RIMBP2: variants seen among roughly 807,000 people sequenced by gnomAD.
The protein encoded by RIMBP2 is RIMS-binding protein 2.
RIMBP2 carries 48 observed loss-of-function variants against 118.6 expected under a neutral mutation model. That is an observed-to-expected ratio of 0.40 (90% CI 0.32 to 0.51). The LOEUF is 0.51. Among genes scored for constraint, RIMBP2 ranks in the 20% least tolerant of loss-of-function variants. The pLI, the probability that RIMBP2 is intolerant of heterozygous loss-of-function variation, is 0.41. For missense variants in RIMBP2, 1,551 were observed against 1,768.3 expected (o/e 0.88, Z 2.20); for synonymous variants, 762 against 742.9 (o/e 1.03, Z -0.42).
chr12:130,519,042 T>G (rs1169265166), intron 2 of RIMBP2, among the ~76,000 whole-genome samples: 1 of 152,270 alleles, frequency 6.6e-6, no homozygotes, highest in Non-Finnish European at 1.5e-5. Context: ...CCACACCAGC[T>G]ACCAGCTGTC....
At chr12:130,643,454 A>C (rs2062712658) in intron 1 of RIMBP2, among the ~76,000 whole-genome samples, 3 of 152,182 alleles carry the variant, frequency 2.0e-5, no homozygotes, top group Admixed American at 2.0e-4. Context: ...TACAGAAATC[A>C]CTGGGCCATG....
intron 1 of RIMBP2, among the ~76,000 whole-genome samples, chr12:130,684,180 A>G (rs76958656): frequency 0.086 from 13,030 of 152,134 alleles, 1,824 homozygotes; most frequent in African/African-American, 0.3. Flanking sequence ...AGATGAACTC[A>G]TTCAACCAAC....
intron 1 of RIMBP2, among the ~76,000 whole-genome samples, chr12:130,679,656 G>A (rs1294005692): frequency 6.6e-6 from 1 of 152,096 alleles, no homozygotes; most frequent in Non-Finnish European, 1.5e-5. Context: ...TTTTCTCTAT[G>A]GATACTGGGC....
At chr12:130,705,347 A>G (rs540612872) in intron 1 of RIMBP2, among the ~76,000 whole-genome samples, 1 of 152,294 alleles carries the variant, frequency 6.6e-6, no homozygotes, top group African/African-American at 2.4e-5. Context: ...TCACCACGCA[A>G]CAAAGACCGG....
At position 130,491,620 on chromosome 12, in the gene RIMBP2, C is replaced by T. The variant is rs546772242; in HGVS notation, c.-3-12604G>A. ...CTTCCACAAGCAGCTAGGAGTCTCT[C>T]GGTTCCTGGGAGTGCAAGGGGCCCA... On this transcript the variant is annotated intron_variant, in intron 4 of 22. Coordinates refer to ENST00000690449, the MANE Select transcript of RIMBP2 (RefSeq NM_001393629.1). 3.9e-5 allele frequency among the ~76,000 whole-genome samples: 6 copies of T among 152,304 alleles called. No homozygotes were observed. The East Asian group carries it at 5.8e-4, about 15-fold the overall frequency.
chr12:130,440,375 C>T (rs1313080947), intron 11 of RIMBP2, among the ~76,000 whole-genome samples: 1 of 152,166 alleles, frequency 6.6e-6, no homozygotes. Flanking sequence ...CCCAACTACA[C>T]CTTCTTCCTC....
chr12:130,449,723 A>G (rs2078835818), intron 9 of RIMBP2, among the ~76,000 whole-genome samples: 1 of 152,074 alleles, frequency 6.6e-6, no homozygotes, highest in African/African-American at 2.4e-5. Context: ...GCAGATTCCA[A>G]TCCAGGGAAG....
chr12:130,436,417 A>G (rs2077520505), intron 13 of RIMBP2, among the ~76,000 whole-genome samples: 2 of 152,190 alleles, frequency 1.3e-5, no homozygotes, highest in Non-Finnish European at 2.9e-5. Context: ...ATAGACACAT[A>G]TGTGCATGTG....
chr12:130,560,427 C>T (rs925655415), intron 2 of RIMBP2, among the ~76,000 whole-genome samples: 2 of 152,066 alleles, frequency 1.3e-5, no homozygotes, highest in African/African-American at 4.8e-5. Context: ...TTTAGCCACA[C>T]CCCTGGCCTC....
chr12:130,641,231 T>G (rs539047569), intron 1 of RIMBP2, among the ~76,000 whole-genome samples: 26 of 152,222 alleles, frequency 1.7e-4, no homozygotes, highest in African/African-American at 6.3e-4. Context: ...GAAAGCTAAA[T>G]CGTGAGCCCT....
At chr12:130,513,509 C>T (rs552245822) in intron 3 of RIMBP2, among the ~76,000 whole-genome samples, 9 of 23,300 alleles carry the variant, frequency 3.9e-4, no homozygotes, top group Non-Finnish European at 6.2e-4. Context: ...TGGCCCAGTG[C>T]GGGGAGGAGG....
intron 2 of RIMBP2, among the ~76,000 whole-genome samples, chr12:130,557,702 T>C (rs754833013): frequency 2.0e-5 from 3 of 152,214 alleles, no homozygotes; most frequent in Admixed American, 6.5e-5. Flanking sequence ...GACAAATAGG[T>C]CACAGCTATA....
Position 130,431,588 on chromosome 12 carries a change from AT to A in RIMBP2, c.2253+3145del, listed in dbSNP as rs2077158274. On this transcript the variant is annotated intron_variant, in intron 14 of 22. Transcript: ENST00000690449. This position sits in a 1 kb window ranked among gnomAD's most constrained non-coding sequence, Gnocchi z 4.0. ...ATATTATTAACAATATATATTAACA[AT>A]TAATATATTGTTATATTATTATGTT... The A allele has an allele frequency of 6.2e-6, 1 of 162,498 alleles. No homozygotes were observed. The highest frequency in any genetic ancestry group is 1.3e-5 in the Non-Finnish European group (1 of 76,328). 10.1% of individuals were successfully genotyped at this position (162,498 alleles called of 1,614,324 possible). A position where few individuals can be genotyped will look rare whatever the true frequency, so the allele number is the denominator to read the frequency against.
intron 1 of RIMBP2, among the ~76,000 whole-genome samples, chr12:130,638,356 C>G (rs2062445004): frequency 6.6e-6 from 1 of 152,194 alleles, no homozygotes; most frequent in Admixed American, 6.5e-5. Context: ...TTGCACATCA[C>G]TAAGTGAAAG....
intron 3 of RIMBP2, among the ~76,000 whole-genome samples, chr12:130,510,270 G>A (rs969428365): frequency 6.6e-6 from 1 of 152,182 alleles, no homozygotes; most frequent in Non-Finnish European, 1.5e-5. Flanking sequence ...AATTTAATAC[G>A]GTAGAGTGGA....
chr12:130,695,961 A>C (rs1566463842), intron 1 of RIMBP2, among the ~76,000 whole-genome samples: 1 of 151,966 alleles, frequency 6.6e-6, no homozygotes, highest in Non-Finnish European at 1.5e-5. Context: ...AGACCCCTGG[A>C]GGAGGAGTAC....
At chr12:130,498,746 G>C (rs2049446173) in intron 4 of RIMBP2, among the ~76,000 whole-genome samples, 1 of 152,120 alleles carries the variant, frequency 6.6e-6, no homozygotes, top group African/African-American at 2.4e-5. Flanking sequence ...TCCCAGGAGA[G>C]GACAACATGC....
intron 5 of RIMBP2, 80 bp from the exon 6 acceptor site, chr12:130,470,823 G>A (rs1253087153): frequency 2.1e-5 from 15 of 723,426 alleles, no homozygotes; most frequent in Non-Finnish European, 2.7e-5. Context: ...TGAATCACTG[G>A]GGGTGGGGGA....
chr12:130,572,331 C>A (rs1352869186), intron 2 of RIMBP2, among the ~76,000 whole-genome samples: 1 of 152,192 alleles, frequency 6.6e-6, no homozygotes, highest in Non-Finnish European at 1.5e-5. Context: ...AATGCACTCA[C>A]AGTAACCCCA....
Sources: allele counts gnomAD v4.1 joint callset (sites outside exome capture counted in the v4.1 genomes callset), GRCh38; gene constraint gnomAD v4.1.1; non-coding constraint Gnocchi (gnomAD v3.1); transcripts MANE v1.5; gene names NCBI Gene and HGNC (gene_info 2026-07-23, HGNC 2026-07-21).